ADAMTSL1: variants seen among roughly 807,000 people sequenced by gnomAD.
ADAMTSL1 encodes ADAMTS like 1, also known as ADAMTS-like protein 1.
ADAMTSL1 carries 126 observed loss-of-function variants against 201.8 expected under a neutral mutation model. That is an observed-to-expected ratio of 0.62 (90% CI 0.54 to 0.72). The LOEUF (loss-of-function observed/expected upper bound fraction) is 0.72, where lower values mean the gene tolerates loss of function less well. Among genes scored for constraint, ADAMTSL1 ranks in the 30% least tolerant of loss-of-function variants. The pLI, the probability that ADAMTSL1 is intolerant of heterozygous loss-of-function variation, is 0.00. For synonymous variants in ADAMTSL1, 1,121 were observed against 903.4 expected, an observed-to-expected ratio of 1.24 and a Z score of -4.32; for missense variants, 2,679 against 2,277.8, an observed-to-expected ratio of 1.18 and a Z score of -3.59.
intron 6 of ADAMTSL1, among the ~76,000 whole-genome samples, chr9:18,636,221 C>A (rs1376144697): frequency 1.3e-5 from 2 of 152,106 alleles, no homozygotes; most frequent in African/African-American, 2.4e-5. Flanking sequence ...CCACAGTCAT[C>A]CTGAAAAATA....
At chr9:18,320,498 T>G (rs531168592) in intron 2 of ADAMTSL1, among the ~76,000 whole-genome samples, 1 of 152,182 alleles carries the variant, frequency 6.6e-6, no homozygotes, top group Admixed American at 6.5e-5. Context: ...AGATCTACAG[T>G]GTAACAACTG....
At chr9:18,054,967 G>T (rs1219691173) in intron 1 of ADAMTSL1, among the ~76,000 whole-genome samples, 3 of 152,052 alleles carry the variant, frequency 2.0e-5, no homozygotes, top group Non-Finnish European at 4.4e-5. Flanking sequence ...TTGACATTAG[G>T]GCATGCTCCC....
Position 18,255,206 on chromosome 9 carries a change from C to A in ADAMTSL1, c.207+91225C>A, listed in dbSNP as rs533906825. ...TGTCAAGGGATGAAAGCTGAAGGGT[C>A]CCGTGTATTTGCACATTCGTAGGCT... On this transcript the variant is annotated intron_variant, in intron 2 of 29. Coordinates refer to the ADAMTSL1 transcript ENST00000680146. 1.4e-4 allele frequency among the ~76,000 whole-genome samples: 21 copies of A among 152,216 alleles called. No individual in the cohort carries two copies. In the East Asian group the frequency reaches 4.1e-3, roughly 29 times the overall value.
intron 2 of ADAMTSL1, among the ~76,000 whole-genome samples, chr9:18,205,144 A>C (rs1280636959): frequency 6.6e-6 from 1 of 152,120 alleles, no homozygotes. Context: ...CTATTTTATT[A>C]ATGAGATCTG....
chr9:18,501,834 C>CA (rs1028054339), intron 1 of ADAMTSL1, among the ~76,000 whole-genome samples: 1 of 152,192 alleles, frequency 6.6e-6, no homozygotes, highest in Admixed American at 6.5e-5. Context: ...TCTGGGTTTG[C>CA]ATGAGATCTC....
chr9:17,962,268 G>A (rs1817785990), intron 1 of ADAMTSL1, among the ~76,000 whole-genome samples: 1 of 152,194 alleles, frequency 6.6e-6, no homozygotes, highest in African/African-American at 2.4e-5. Flanking sequence ...GGGCAAGGAA[G>A]CCCTGCCCCA....
intron 19 of ADAMTSL1, among the ~76,000 whole-genome samples, chr9:18,794,132 A>G (rs1822221400): frequency 6.6e-6 from 1 of 152,186 alleles, no homozygotes; most frequent in African/African-American, 2.4e-5. Context: ...TACTCTACAG[A>G]GAGTCCCCTG....
intron 1 of ADAMTSL1, among the ~76,000 whole-genome samples, chr9:18,116,757 G>A (rs1257562153): frequency 3.9e-5 from 6 of 152,064 alleles, no homozygotes; most frequent in African/African-American, 1.4e-4. Context: ...GGGTACATGT[G>A]CACAACGTGC....
At chr9:18,128,380 G>C (rs1825821366) in intron 1 of ADAMTSL1, among the ~76,000 whole-genome samples, 1 of 151,942 alleles carries the variant, frequency 6.6e-6, no homozygotes, top group Non-Finnish European at 1.5e-5. Context: ...TTTTTCCCTG[G>C]AGACAGGGTC....
intron 1 of ADAMTSL1, among the ~76,000 whole-genome samples, chr9:17,941,219 T>C (rs1260383868): frequency 1.3e-5 from 2 of 152,086 alleles, no homozygotes; most frequent in African/African-American, 2.4e-5. Flanking sequence ...TTCATAGATA[T>C]TGTGTCTTGA....
At chr9:17,996,538 C>G (rs1819389852) in intron 1 of ADAMTSL1, among the ~76,000 whole-genome samples, 1 of 152,064 alleles carries the variant, frequency 6.6e-6, no homozygotes, top group African/African-American at 2.4e-5. Flanking sequence ...GAGAACTTTA[C>G]AACACACTGC....
At position 18,201,066 on chromosome 9, in the gene ADAMTSL1, TC is replaced by T. The variant is rs764368938; in HGVS notation, c.207+37088del. ...CAATCTGGAAAAATTCCTGATTGGG[TC>T]CCTTTGAAAATTCATCTATTTTGCT... On this transcript the variant is annotated intron_variant, in intron 2 of 29. Coordinates refer to the ADAMTSL1 transcript ENST00000680146. Among the ~76,000 whole-genome samples the T allele has an allele frequency of 3.3e-5, 5 of 152,178 alleles. No homozygotes were observed. In the South Asian group the frequency reaches 8.3e-4, roughly 25 times the overall value.
chr9:18,268,584 G>A (rs1002833673), intron 2 of ADAMTSL1, among the ~76,000 whole-genome samples: 3 of 152,070 alleles, frequency 2.0e-5, no homozygotes, highest in African/African-American at 4.8e-5. Flanking sequence ...TCTAGACTCC[G>A]GGGAATATGT....
At chr9:18,355,804 C>T (rs893555051) in intron 2 of ADAMTSL1, among the ~76,000 whole-genome samples, 1 of 152,148 alleles carries the variant, frequency 6.6e-6, no homozygotes, top group South Asian at 2.1e-4. Context: ...GCTAGGAGTT[C>T]GAGGCCAGCC....
intron 1 of ADAMTSL1, among the ~76,000 whole-genome samples, chr9:17,915,657 C>T (rs1389490054): frequency 6.6e-6 from 1 of 152,108 alleles, no homozygotes; most frequent in Non-Finnish European, 1.5e-5. Flanking sequence ...AAGGTTGTAC[C>T]CTTTTCTCAG....
In ADAMTSL1 at chr9:18,905,899, A is replaced by G. The variant is rs1274555656; in HGVS notation, c.4961+8A>G. 6.3e-7 allele frequency: 1 copy of G among 1,595,484 alleles called. No individual in the cohort carries two copies. Among genetic ancestry groups the G allele is most frequent in the South Asian group, 1.1e-5 (1 of 88,604 alleles). On this transcript the variant is annotated splice_region_variant and intron_variant, in intron 27 of 28. Coordinates refer to ENST00000380548, the MANE Select transcript of ADAMTSL1 (RefSeq NM_001040272.6). Reference sequence around the variant, plus strand: ...GTGCAGTGCTCTTCCGAGGTAAGAGAAAGCCCTGAATCTCCTTTTCCCAGC... The same window carrying G: ...GTGCAGTGCTCTTCCGAGGTAAGAGGAAGCCCTGAATCTCCTTTTCCCAGC...
chr9:18,746,368 T>C (rs1395273480), intron 15 of ADAMTSL1, among the ~76,000 whole-genome samples: 1 of 152,180 alleles, frequency 6.6e-6, no homozygotes, highest in Non-Finnish European at 1.5e-5. Flanking sequence ...TAGTTTATTA[T>C]TGTCAGATTG....
At chr9:18,225,466 G>T (rs942590927) in intron 2 of ADAMTSL1, among the ~76,000 whole-genome samples, 1 of 152,028 alleles carries the variant, frequency 6.6e-6, no homozygotes. Context: ...TTAAAACTTG[G>T]TGTTTCCAAA....
intron 23 of ADAMTSL1, among the ~76,000 whole-genome samples, chr9:18,834,261 TG>T (rs1469262338): frequency 6.6e-6 from 1 of 152,212 alleles, no homozygotes; most frequent in African/African-American, 2.4e-5. Context: ...ACATTGAATC[TG>T]TAAGTTGCTT....
Sources: allele counts gnomAD v4.1 joint callset (sites outside exome capture counted in the v4.1 genomes callset), GRCh38; gene constraint gnomAD v4.1.1; transcripts MANE v1.5; gene names NCBI Gene and HGNC (gene_info 2026-07-23, HGNC 2026-07-21).